WDR76: variants seen among roughly 807,000 people sequenced by gnomAD.
WDR76 encodes WD repeat domain 76.
In WDR76, 52 loss-of-function variants were observed where a neutral mutation model predicts 70.2. The observed-to-expected ratio is 0.74, with a 90% CI of 0.59 to 0.93. The LOEUF is 0.93. Ranked by LOEUF, WDR76 falls within the 40% of genes least tolerant of loss-of-function variation. The pLI is 0.00. For synonymous variants in WDR76, 292 were observed against 271.1 expected, an observed-to-expected ratio of 1.08 and a Z score of -0.76; for missense variants, 756 against 760.2, an observed-to-expected ratio of 0.99 and a Z score of 0.07.
In WDR76 at chr15:43,839,555, A is replaced by G. The variant is rs142472903; in HGVS notation, c.609-50A>G. The G allele has an allele frequency of 5.6e-5, 87 of 1,555,766 alleles. No individual in the cohort carries two copies. The East Asian group carries it at 1.1e-3, about 20-fold the overall frequency. The stretch of plus-strand genomic sequence containing the variant: ...AGTTATCTCTTTAGTATTAGTAAAT[A>G]CATTTTATTGTTTTGTGAGTATAAC... On this transcript the variant is annotated intron_variant, in intron 4 of 12. Transcript: ENST00000263795.
intron 12 of WDR76, among the ~76,000 whole-genome samples, chr15:43,862,744 G>A (rs1260532298): frequency 6.6e-5 from 10 of 152,052 alleles, no homozygotes; most frequent in African/African-American, 1.9e-4. Context: ...TCCTGACCTC[G>A]TGACCCACCT....
At chr15:43,847,072 C>T (rs1259986384) in intron 8 of WDR76, among the ~76,000 whole-genome samples, 1 of 149,214 alleles carries the variant, frequency 6.7e-6, no homozygotes, top group Non-Finnish European at 1.5e-5. Context: ...CTCTGTAGTC[C>T]AGTATCTCCA....
intron 11 of WDR76, among the ~76,000 whole-genome samples, chr15:43,859,031 C>G: frequency 6.6e-6 from 1 of 152,130 alleles, no homozygotes; most frequent in African/African-American, 2.4e-5. Context: ...TTGAGACTGG[C>G]AAAGGTCCGT....
chr15:43,865,618 G>T (rs527672387), intron 12 of WDR76, among the ~76,000 whole-genome samples: 36 of 151,576 alleles, frequency 2.4e-4, no homozygotes, highest in African/African-American at 8.3e-4. Flanking sequence ...TGGACAGGCT[G>T]GTCTCGAACT....
At chr15:43,844,155 T>G (rs1025086051) in intron 8 of WDR76, 101 bp downstream of exon 8, 98 of 1,151,864 alleles carry the variant, frequency 8.5e-5, no homozygotes, top group Admixed American at 6.1e-5. Flanking sequence ...TGCGTGAGAC[T>G]TACAATTTTG....
chr15:43,841,427 C>T (rs545658030), intron 5 of WDR76, among the ~76,000 whole-genome samples: 11 of 152,072 alleles, frequency 7.2e-5, no homozygotes, highest in Middle Eastern at 3.4e-3. Flanking sequence ...TCAATCTGAC[C>T]TCATGATCTG....
chr15:43,842,695 C>T (rs759418145), intron 7 of WDR76, 24 bp downstream of exon 7: 21 of 1,597,010 alleles, frequency 1.3e-5, no homozygotes, highest in Middle Eastern at 2.3e-4. Flanking sequence ...CCTTGTGTTT[C>T]TTTTATATTT....
intron 9 of WDR76, 54 bp downstream of exon 9, chr15:43,851,299 A>G: frequency 6.3e-7 from 1 of 1,589,132 alleles, no homozygotes; most frequent in Admixed American, 1.7e-5. Flanking sequence ...AGATTCTTCG[A>G]AATGCCACAT....
intron 8 of WDR76, among the ~76,000 whole-genome samples, 172 bp downstream of exon 8, chr15:43,844,226 A>C (rs2140303550): frequency 6.6e-6 from 1 of 152,358 alleles, no homozygotes; most frequent in South Asian, 2.1e-4. Context: ...AATTTGCTTT[A>C]TAGAACTTTA....
intron 2 of WDR76, among the ~76,000 whole-genome samples, chr15:43,833,401 C>G (rs1378290885): frequency 6.6e-6 from 1 of 150,724 alleles, no homozygotes; most frequent in African/African-American, 2.4e-5. Context: ...TCACTGCAAG[C>G]TCCGCCTCCC....
At chr15:43,849,534 G>T (rs909702496) in intron 8 of WDR76, among the ~76,000 whole-genome samples, 2 of 151,980 alleles carry the variant, frequency 1.3e-5, no homozygotes, top group Non-Finnish European at 2.9e-5. Flanking sequence ...GTTAATTTTA[G>T]ATTTGGAATG....
At chr15:43,852,276 C>T (rs1276349772) in intron 9 of WDR76, among the ~76,000 whole-genome samples, 2 of 152,076 alleles carry the variant, frequency 1.3e-5, no homozygotes, top group Admixed American at 1.3e-4. Context: ...TTCTGCCTCC[C>T]AGGTTCAAGC....
chr15:43,845,658 C>T (rs1380362425), intron 8 of WDR76, among the ~76,000 whole-genome samples: 1 of 150,360 alleles, frequency 6.7e-6, no homozygotes, highest in Non-Finnish European at 1.5e-5. Context: ...AAATATCTTC[C>T]CAGGGACCTG....
intron 9 of WDR76, among the ~76,000 whole-genome samples, chr15:43,851,862 G>A (rs1339574918): frequency 6.6e-6 from 1 of 152,160 alleles, no homozygotes; most frequent in Non-Finnish European, 1.5e-5. Context: ...TTGAGCCCAG[G>A]AGTTCAAGAT....
At chr15:43,848,703 G>T (rs1335302869) in intron 8 of WDR76, among the ~76,000 whole-genome samples, 1 of 152,178 alleles carries the variant, frequency 6.6e-6, no homozygotes, top group East Asian at 1.9e-4. Context: ...CACTTTGGGA[G>T]GCTGAGGCAG....
At chr15:43,863,054 A>C (rs986256231) in intron 12 of WDR76, among the ~76,000 whole-genome samples, 2 of 150,990 alleles carry the variant, frequency 1.3e-5, no homozygotes, top group Non-Finnish European at 3.0e-5. Context: ...TCCTGCCTCA[A>C]CCTCTTGAGT....
rs1168263034 is a variant in WDR76 at position 43,828,305 on chromosome 15, TCA to T, written c.402_403del (p.Ser135CysfsTer2). Reference sequence around the variant, plus strand: ...AAGAGAACGGCAGATGCGATGAATCTCAGTGTTGATGTGGAAAGTAGTCAGGA... The same window carrying T: ...AAGAGAACGGCAGATGCGATGAATCTGTGTTGATGTGGAAAGTAGTCAGGA... On this transcript the variant is annotated frameshift_variant, in exon 2 of 13. Transcript: ENST00000263795. LOFTEE classifies it high-confidence loss of function. 1.2e-6 allele frequency: 2 copies of T among 1,614,130 alleles called. No individual in the cohort carries two copies. Among genetic ancestry groups the T allele is most frequent in the Non-Finnish European group, 1.7e-6 (2 of 1,180,046 alleles).
chr15:43,827,959 G>C lies in WDR76; in HGVS notation c.61-6G>C. 6.3e-7 allele frequency: 1 copy of C among 1,598,506 alleles called. No homozygotes were observed. Among genetic ancestry groups the C allele is most frequent in the Non-Finnish European group, 8.5e-7 (1 of 1,174,826 alleles). On this transcript the variant is annotated splice_polypyrimidine_tract_variant and splice_region_variant and intron_variant, in intron 1 of 12. Transcript: ENST00000263795. ...ATATTCTGTTTTCTTTTATTGATCT[G>C]AATAGGTAAATGAATATAAAGAAAA...
chr15:43,857,286 G>A, intron 10 of WDR76, 123 bp downstream of exon 10: 1 of 1,113,554 alleles, frequency 9.0e-7, no homozygotes, highest in Middle Eastern at 3.2e-4. Context: ...AATACCCAAA[G>A]GCCAAGTAAT....
Sources: allele counts gnomAD v4.1 joint callset (sites outside exome capture counted in the v4.1 genomes callset), GRCh38; gene constraint gnomAD v4.1.1; transcripts MANE v1.5; gene names NCBI Gene and HGNC (gene_info 2026-07-23, HGNC 2026-07-21).